KLF12: variants seen among roughly 807,000 people sequenced by gnomAD.
The protein encoded by KLF12 is Krueppel-like factor 12.
A neutral mutation model predicts 37.8 loss-of-function variants in KLF12; 9 were observed. That is an observed-to-expected ratio of 0.24 (90% confidence interval 0.14 to 0.42). The LOEUF (loss-of-function observed/expected upper bound fraction) is 0.42, where lower values mean the gene tolerates loss of function less well. Ranked by LOEUF, KLF12 falls within the 10% of genes least tolerant of loss-of-function variation. The pLI is 1.00. For missense variants in KLF12, 411 were observed against 516.0 expected (o/e 0.80, Z 1.97); for synonymous variants, 208 against 202.1 (o/e 1.03, Z -0.25).
the KLF12 span, among the ~76,000 whole-genome samples, chr13:74,166,087 CTT>C: frequency 0.1 from 10,347 of 103,420 alleles, 327 homozygotes; most frequent in South Asian, 0.16. Flanking sequence ...GCATAAACAC[CTT>C]TTTTTTTTTT....
intron 7 of KLF12, among the ~76,000 whole-genome samples, chr13:73,703,598 T>A (rs951768023): frequency 6.6e-6 from 1 of 152,228 alleles, no homozygotes; most frequent in Non-Finnish European, 1.5e-5. Flanking sequence ...TATTCTCTAA[T>A]AAGTATTGTT....
chr13:73,742,917 A>G (rs1878104662), intron 6 of KLF12, among the ~76,000 whole-genome samples: 3 of 152,198 alleles, frequency 2.0e-5, no homozygotes, highest in East Asian at 3.9e-4. Context: ...AGGACTTGAT[A>G]TGGCTCAGCC....
At chr13:73,844,101 AATT>A (rs1347763145) in intron 4 of KLF12, among the ~76,000 whole-genome samples, 1 of 152,080 alleles carries the variant, frequency 6.6e-6, no homozygotes, top group Non-Finnish European at 1.5e-5. Flanking sequence ...TATCTTTATT[AATT>A]AACTTTATAA....
chr13:74,065,254 A>G (rs970966906), intron 1 of KLF12, among the ~76,000 whole-genome samples: 2 of 151,434 alleles, frequency 1.3e-5, no homozygotes, highest in African/African-American at 2.4e-5. Context: ...ACTGTATACT[A>G]CTCTGTATCT....
chr13:74,287,349 T>TGAGAGAGAGAGAGA, the KLF12 span, among the ~76,000 whole-genome samples: 3,181 of 71,776 alleles, frequency 0.044, 345 homozygotes, highest in South Asian at 0.055. Context: ...CTATCAAAGT[T>TGAGAGAGAGAGAGA]GAGAGAGAGA....
At chr13:74,138,762 C>G (rs1239498849), upstream of KLF12, among the ~76,000 whole-genome samples, 1 of 152,140 alleles carries the variant, frequency 6.6e-6, no homozygotes, top group Admixed American at 6.5e-5. Flanking sequence ...GCCCCCTTTC[C>G]CTCACATGCA....
intron 5 of KLF12, among the ~76,000 whole-genome samples, chr13:73,804,272 C>A (rs1461525913): frequency 2.0e-5 from 3 of 152,200 alleles, no homozygotes; most frequent in African/African-American, 7.2e-5. Context: ...TGACTCTGAG[C>A]TCCTCAGGGT....
At chr13:73,840,540 A>G (rs1477964261) in intron 4 of KLF12, among the ~76,000 whole-genome samples, 3 of 152,144 alleles carry the variant, frequency 2.0e-5, no homozygotes, top group Admixed American at 6.5e-5. Context: ...AGAGAACAAT[A>G]GGTCAGCCAA....
chr13:73,795,915 T>C (rs1285500171), intron 5 of KLF12, among the ~76,000 whole-genome samples: 1 of 152,194 alleles, frequency 6.6e-6, no homozygotes, highest in African/African-American at 2.4e-5. Context: ...ATAAAGATGA[T>C]GTACCTAGAA....
At chr13:74,021,579 A>G (rs895563454) in intron 1 of KLF12, among the ~76,000 whole-genome samples, 1 of 152,164 alleles carries the variant, frequency 6.6e-6, no homozygotes, top group Non-Finnish European at 1.5e-5. Flanking sequence ...CTGACTGCAC[A>G]CATCTCTTTA....
intron 1 of KLF12, among the ~76,000 whole-genome samples, chr13:74,120,806 A>G (rs1877583625): frequency 1.3e-5 from 2 of 152,118 alleles, no homozygotes; most frequent in South Asian, 2.1e-4. Flanking sequence ...AAGGTAAAGT[A>G]TTACCTGAAG....
chr13:74,084,723 T>C (rs1409021331), intron 1 of KLF12, among the ~76,000 whole-genome samples: 4 of 152,158 alleles, frequency 2.6e-5, no homozygotes, highest in East Asian at 1.9e-4. Flanking sequence ...AAAAGAATAC[T>C]GTAGGTGTAT....
chr13:73,865,143 G>C lies in KLF12; in HGVS notation c.124-18770C>G, dbSNP rs111479009. Among the ~76,000 whole-genome samples, 4 of 152,232 alleles carry C rather than the reference G, an allele frequency of 2.6e-5. 1 individual carries two copies. The highest frequency in any genetic ancestry group is 9.6e-5 in the African/African-American group (4 of 41,552). On this transcript the variant is annotated intron_variant, in intron 3 of 7. Transcript: ENST00000377669. Reference sequence around the variant, plus strand: ...TTCCAGACATAACTTTGTGCTTTCTGTTAGGATAAAAAGAAATAACATGAG... The same window carrying C: ...TTCCAGACATAACTTTGTGCTTTCTCTTAGGATAAAAAGAAATAACATGAG...
chr13:73,762,706 C>G (rs1254150129), intron 6 of KLF12, among the ~76,000 whole-genome samples: 1 of 152,158 alleles, frequency 6.6e-6, no homozygotes, highest in Non-Finnish European at 1.5e-5. Flanking sequence ...TGGGGGACAG[C>G]AACTATCACT....
intron 2 of KLF12, among the ~76,000 whole-genome samples, chr13:73,963,649 C>A (rs1044940866): frequency 2.6e-5 from 4 of 152,066 alleles, no homozygotes; most frequent in African/African-American, 9.7e-5. Flanking sequence ...GGAAAAGTTT[C>A]GTATATAATT....
At chr13:74,214,672 C>A in the KLF12 span, among the ~76,000 whole-genome samples, 2 of 151,746 alleles carry the variant, frequency 1.3e-5, no homozygotes, top group East Asian at 1.9e-4. Context: ...CTATTTCTCT[C>A]TGACAGCATT....
intron 4 of KLF12, among the ~76,000 whole-genome samples, chr13:73,814,802 T>C (rs1883129022): frequency 6.6e-6 from 1 of 151,990 alleles, no homozygotes; most frequent in Non-Finnish European, 1.5e-5. Flanking sequence ...GGGCAGACGC[T>C]AAGGATATTG....
At chr13:74,126,863 G>A (rs1285946507) in intron 1 of KLF12, among the ~76,000 whole-genome samples, 2 of 152,152 alleles carry the variant, frequency 1.3e-5, no homozygotes, top group Non-Finnish European at 2.9e-5. Flanking sequence ...TGATATAAAA[G>A]CCAAGGGCTA....
chr13:74,271,154 G>A, the KLF12 span, among the ~76,000 whole-genome samples: 1 of 152,106 alleles, frequency 6.6e-6, no homozygotes, highest in Admixed American at 6.6e-5. Context: ...TCTAACTAAT[G>A]CCTGATGGTC....
Sources: gnomAD v4.1 joint callset for allele counts (sites outside exome capture counted in the v4.1 genomes callset) on GRCh38, gnomAD v4.1.1 for gene constraint, MANE v1.5 for transcripts, NCBI Gene and HGNC (gene_info 2026-07-23, HGNC 2026-07-21) for gene names.